The following CSGALNACT1 variants were observed in gnomAD, a reference collection of about 807,000 sequenced individuals.
CSGALNACT1 encodes the protein chondroitin sulfate N-acetylgalactosaminyltransferase 1.
A neutral mutation model predicts 51.0 loss-of-function variants in CSGALNACT1; 52 were observed. The observed-to-expected ratio is 1.02, with a 90% CI of 0.82 to 1.29. CSGALNACT1 has a LOEUF of 1.29. CSGALNACT1 is among the 50% of genes most tolerant of loss of function. The pLI is 0.00. For missense variants in CSGALNACT1, 935 were observed against 679.2 expected (o/e 1.38, Z -4.19); for synonymous variants, 341 against 254.4 (o/e 1.34, Z -3.24).
At chr8:19,477,606 T>C (rs967202067) in intron 4 of CSGALNACT1, among the ~76,000 whole-genome samples, 1 of 152,202 alleles carries the variant, frequency 6.6e-6, no homozygotes, top group Non-Finnish European at 1.5e-5. Flanking sequence ...GTAATTATCT[T>C]AAAACTAAAT....
chr8:19,604,397 AC>A (rs2051051731), upstream of CSGALNACT1, among the ~76,000 whole-genome samples: 1 of 152,196 alleles, frequency 6.6e-6, no homozygotes, highest in South Asian at 2.1e-4. Context: ...TCCAACCACA[AC>A]AATGCTATGG....
At chr8:19,582,990 T>C (rs556448997) in intron 3 of CSGALNACT1, among the ~76,000 whole-genome samples, 2 of 152,278 alleles carry the variant, frequency 1.3e-5, no homozygotes, top group South Asian at 2.1e-4. Flanking sequence ...AATGGGCTAA[T>C]AGCCAAATTA....
At chr8:19,624,689 C>G (rs139364331) in intron 1 of CSGALNACT1, among the ~76,000 whole-genome samples, 2 of 136,624 alleles carry the variant, frequency 1.5e-5, no homozygotes, top group Non-Finnish European at 3.2e-5. Context: ...TTTTTTTTTT[C>G]TTTTCTTGAG....
intron 1 of CSGALNACT1, among the ~76,000 whole-genome samples, chr8:19,634,549 C>G (rs1262867865): frequency 1.3e-5 from 2 of 152,152 alleles, no homozygotes; most frequent in African/African-American, 4.8e-5. Context: ...GTAGTCCCAG[C>G]TACTCAGGAG....
chr8:19,533,369 G>T (rs897975171), intron 3 of CSGALNACT1, among the ~76,000 whole-genome samples: 29 of 152,062 alleles, frequency 1.9e-4, no homozygotes, highest in Non-Finnish European at 2.9e-4. Flanking sequence ...TGATCCTCCT[G>T]CCCTGGCCTC....
At chr8:19,455,841 A>C (rs1415290356) in intron 5 of CSGALNACT1, among the ~76,000 whole-genome samples, 1 of 152,148 alleles carries the variant, frequency 6.6e-6, no homozygotes, top group Non-Finnish European at 1.5e-5. Context: ...CTATTAGTGA[A>C]AGTAGGCACC....
chr8:19,439,931 C>T lies in CSGALNACT1; in HGVS notation c.852G>A (p.Arg284=), dbSNP rs1442271362. 12 of 1,613,190 alleles carry T rather than the reference C, an allele frequency of 7.4e-6. No homozygotes were observed. Among genetic ancestry groups the T allele is most frequent in the Non-Finnish European group, 9.3e-6 (11 of 1,179,338 alleles). ...TCCCATCCTGCTCAATGCACATCTC[C>T]CTGGAAAACAAAACACATGCATGTC... is the stretch of plus-strand genomic sequence containing the variant. Residue 284 remains arginine (R), a splice_region_variant and synonymous_variant, in exon 6 of 10, where the codon AGG becomes AGA. Coordinates refer to ENST00000454498, the Ensembl canonical transcript of CSGALNACT1.
At chr8:19,571,593 C>G (rs1404201195) in intron 3 of CSGALNACT1, among the ~76,000 whole-genome samples, 1 of 152,052 alleles carries the variant, frequency 6.6e-6, no homozygotes, top group African/African-American at 2.4e-5. Context: ...AAGTTAATGG[C>G]TAAAGCAGAA....
chr8:19,507,012 G>T lies in CSGALNACT1; in HGVS notation c.-296-882C>A, dbSNP rs375367054. On this transcript the variant is annotated intron_variant, in intron 3 of 9. Coordinates refer to ENST00000454498, the Ensembl canonical transcript of CSGALNACT1. ...ACCTGTGTGCACTCACTTAGAGCAG[G>T]CCTGAAAGAGGATCGACATGGTTCT... Among the ~76,000 whole-genome samples, 2 of 152,338 alleles carry T rather than the reference G, an allele frequency of 1.3e-5. 1 individual carries two copies.
chr8:19,743,717 T>C (rs951884402), intron 1 of CSGALNACT1, among the ~76,000 whole-genome samples: 1 of 152,234 alleles, frequency 6.6e-6, no homozygotes, highest in Non-Finnish European at 1.5e-5. Flanking sequence ...AATTTATATT[T>C]TTATGATTTA....
chr8:19,738,567 A>C (rs575244072), intron 1 of CSGALNACT1, among the ~76,000 whole-genome samples: 1 of 152,216 alleles, frequency 6.6e-6, no homozygotes, highest in African/African-American at 2.4e-5. Flanking sequence ...TGATGGTTAC[A>C]TAACAACATG....
At chr8:19,416,280 A>G (rs1318244143) in intron 8 of CSGALNACT1, among the ~76,000 whole-genome samples, 1 of 151,820 alleles carries the variant, frequency 6.6e-6, no homozygotes, top group Non-Finnish European at 1.5e-5. Flanking sequence ...ATGCCCAGCT[A>G]ATTTTTGAAT....
chr8:19,598,741 A>T (rs1052240290), intron 2 of CSGALNACT1, among the ~76,000 whole-genome samples: 3 of 152,194 alleles, frequency 2.0e-5, no homozygotes, highest in African/African-American at 7.2e-5. Flanking sequence ...CGCCCTGCTC[A>T]GGGGTGAGTT....
chr8:19,590,506 G>A (rs763878553), intron 3 of CSGALNACT1, among the ~76,000 whole-genome samples: 14 of 152,240 alleles, frequency 9.2e-5, no homozygotes, highest in Middle Eastern at 3.4e-3. Context: ...GTGCTCAAGA[G>A]ATGCACACAT....
At chr8:19,580,729 A>G (rs1048240383) in intron 3 of CSGALNACT1, among the ~76,000 whole-genome samples, 3 of 152,236 alleles carry the variant, frequency 2.0e-5, no homozygotes, top group Admixed American at 6.5e-5. Flanking sequence ...GGTAATCTAG[A>G]TATTTTATTC....
intron 2 of CSGALNACT1, among the ~76,000 whole-genome samples, chr8:19,599,220 A>G (rs2049686004): frequency 6.6e-6 from 1 of 152,058 alleles, no homozygotes. Flanking sequence ...CCAACAGCAC[A>G]TCTTTTCTTT....
chr8:19,748,892 G>C (rs767686789), intron 1 of CSGALNACT1, among the ~76,000 whole-genome samples: 36 of 151,756 alleles, frequency 2.4e-4, no homozygotes, highest in Non-Finnish European at 2.9e-5. Flanking sequence ...TTGAACCCGG[G>C]AGGCAGAGGT....
chr8:19,739,598 A>T (rs535589988), intron 1 of CSGALNACT1, among the ~76,000 whole-genome samples: 1 of 152,278 alleles, frequency 6.6e-6, no homozygotes, highest in South Asian at 2.1e-4. Flanking sequence ...AATAAGCAAA[A>T]ATGTTAGGTG....
At chr8:19,653,934 A>T (rs1220584470) in intron 1 of CSGALNACT1, among the ~76,000 whole-genome samples, 1 of 152,114 alleles carries the variant, frequency 6.6e-6, no homozygotes, top group Non-Finnish European at 1.5e-5. Context: ...TCACTGTCTG[A>T]CATGCCTCCA....
Sources: gnomAD v4.1 joint callset for allele counts (sites outside exome capture counted in the v4.1 genomes callset) on GRCh38, gnomAD v4.1.1 for gene constraint, MANE v1.5 for transcripts, NCBI Gene and HGNC (gene_info 2026-07-23, HGNC 2026-07-21) for gene names.